Variants in TRIM11 observed in about 807,000 individuals in gnomAD.
TRIM11 encodes tripartite motif containing 11.
TRIM11 carries 15 observed loss-of-function variants against 33.4 expected under a neutral mutation model. The observed-to-expected ratio is 0.45, with a 90% CI of 0.30 to 0.69. The LOEUF (loss-of-function observed/expected upper bound fraction) is 0.69. TRIM11 is among the 30% of genes least tolerant of loss of function. TRIM11 has a pLI of 0.08. For missense variants in TRIM11, 499 were observed against 667.6 expected (o/e 0.75, Z 2.78); for synonymous variants, 281 against 302.6 (o/e 0.93, Z 0.74).
chr1:228,395,288 C>T lies in TRIM11; in HGVS notation c.860-36G>A, dbSNP rs750707980. ...AGGCCCAAGGTCACCCAGGCACAGC[C>T]ACAGGCAAGCTGGGGCCATCTGCCC... is the stretch of plus-strand genomic sequence containing the variant. On this transcript the variant is annotated intron_variant, in intron 5 of 5. Coordinates refer to ENST00000284551, the MANE Select transcript of TRIM11 (RefSeq NM_145214.3). The surrounding 1 kb of genome is among the most constrained non-coding windows in gnomAD (Gnocchi z 4.8). 1.7e-5 allele frequency: 24 copies of T among 1,418,552 alleles called. No homozygotes were observed. The South Asian group carries it at 3.8e-4, about 22-fold the overall frequency. The allele number at this position is 1,418,552 out of a possible 1,614,324, so 87.9% of individuals were successfully genotyped here. A position where few individuals can be genotyped will look rare whatever the true frequency, so the allele number is the denominator to read the frequency against.
In TRIM11 at chr1:228,399,106, T is replaced by C. The variant is rs148800144; in HGVS notation, c.735+1858A>G. Among the ~76,000 whole-genome samples the C allele has an allele frequency of 4.7e-3, 722 of 152,152 alleles. 5 individuals are homozygous for C. Among genetic ancestry groups the C allele is most frequent in the African/African-American group, 0.017 (688 of 41,526 alleles). On this transcript the variant is annotated intron_variant, in intron 3 of 5. Transcript: ENST00000284551. ...TGGATTCCTGGGAGTCACTCAAGCC[T>C]TTACCTCCACTGTGCAACCCCTGTC...
rs752031395 is a variant in TRIM11, at chr1:228,402,147, C to T, written c.423G>A (p.Lys141=). Residue 141 remains lysine, a synonymous_variant, in exon 2 of 6, where the codon AAG becomes AAA. Coordinates refer to ENST00000284551, the MANE Select transcript of TRIM11 (RefSeq NM_145214.3). ...AAEDLKAKLE[K]SLEHLRKQMQ... ...TCTGCTTCCGGAGATGCTCCAGTGA[C>T]TTCTCCAGCTTCGCCTGCGGGAGAG... 1.2e-6 allele frequency: 2 copies of T among 1,612,228 alleles called. No individual in the cohort carries two copies. Among genetic ancestry groups the T allele is most frequent in the South Asian group, 1.1e-5 (1 of 90,720 alleles).
intron 5 of TRIM11, chr1:228,396,641 T>C (rs1482773418): frequency 7.1e-6 from 5 of 707,140 alleles, no homozygotes; most frequent in Admixed American, 6.0e-5. Flanking sequence ...CTTATGGGAC[T>C]GAGCCCTTAA....
In TRIM11 at chr1:228,400,279, C is replaced by T. The variant is rs930897260; in HGVS notation, c.735+685G>A. 2.0e-5 allele frequency among the ~76,000 whole-genome samples: 3 copies of T among 152,254 alleles called. No homozygotes were observed. The highest frequency in any genetic ancestry group is 4.8e-5 in the African/African-American group (2 of 41,466). ...TGATAGCAGACACTCCCAGCCCACACGGGGCCTCTCAGCATGGGAGTGCCG... is the reference window on the plus strand; with the variant it reads ...TGATAGCAGACACTCCCAGCCCACATGGGGCCTCTCAGCATGGGAGTGCCG... On this transcript the variant is annotated intron_variant, in intron 3 of 5. Coordinates refer to ENST00000284551, the MANE Select transcript of TRIM11 (RefSeq NM_145214.3). This position sits in a 1 kb window ranked among gnomAD's most constrained non-coding sequence, Gnocchi z 4.5.
intron 1 of TRIM11, chr1:228,404,433 G>C (rs187302627): frequency 2.0e-5 from 3 of 152,288 alleles, no homozygotes; most frequent in Admixed American, 2.0e-4. Context: ...AGCCCCATAG[G>C]TGGGACTGAG....
Position 228,402,145 on chromosome 1 carries a change from G to T in TRIM11, c.425C>A (p.Ser142Ter). ...CATCTGCTTCCGGAGATGCTCCAGT[G>T]ACTTCTCCAGCTTCGCCTGCGGGAG... is the stretch of plus-strand genomic sequence containing the variant. Reference protein sequence around the residue: ...AEDLKAKLEKSLEHLRKQMQD... With the variant: ...AEDLKAKLEK The change falls in exon 2 of 6, where the codon TCA becomes TAA. Residue 142 changes from serine (S) to a stop codon, truncating the protein, a stop_gained. Coordinates refer to ENST00000284551, the MANE Select transcript of TRIM11 (RefSeq NM_145214.3). LOFTEE classifies it high-confidence loss of function. The T allele has an allele frequency of 1.2e-6, 2 of 1,612,536 alleles. No homozygotes were observed. The highest frequency in any genetic ancestry group is 2.2e-5 in the South Asian group (2 of 90,776).
At position 228,401,927 on chromosome 1, in the gene TRIM11, TG is replaced by T; in HGVS notation, c.504+138del. On this transcript the variant is annotated intron_variant, in intron 2 of 5. Coordinates refer to ENST00000284551, the MANE Select transcript of TRIM11 (RefSeq NM_145214.3). This position sits in a 1 kb window ranked among gnomAD's most constrained non-coding sequence, Gnocchi z 6.1. ...AGGACCAGCCCTTCAGTGGGCTCGG[TG>T]GGGCCAGGCTGAAGCAGTGACTGGT... 2 of 559,990 alleles carry T rather than the reference TG, an allele frequency of 3.6e-6. No homozygotes were observed. Among genetic ancestry groups the T allele is most frequent in the Non-Finnish European group, 5.9e-6 (2 of 340,920 alleles). The allele number at this position is 559,990 out of a possible 1,614,324, so 34.7% of individuals were successfully genotyped here.
chr1:228,396,836 C>T (rs2074990374), intron 5 of TRIM11, 111 bp downstream of exon 5: 1 of 985,116 alleles, frequency 1.0e-6, no homozygotes, highest in East Asian at 2.4e-5. Flanking sequence ...CACCATGACA[C>T]TGTGAGTTTG....
In TRIM11 at chr1:228,395,074, C is replaced by T; in HGVS notation, c.1038G>A (p.Val346=). 3.1e-6 allele frequency: 5 copies of T among 1,609,490 alleles called. No homozygotes were observed. The highest frequency in any genetic ancestry group is 4.2e-6 in the Non-Finnish European group (5 of 1,177,764). ...RFTSGRHYWE[V]EVGDRTSWAL... ...CCCAGCTGGTGCGGTCCCCAACCTC[C>T]ACCTCCCAGTAGTGGCGGCCTGAGG... The change falls in exon 6 of 6, where the codon GTG becomes GTA. Residue 346 remains valine (V), a synonymous_variant. Transcript: ENST00000284551. The surrounding 1 kb of genome is among the most constrained non-coding windows in gnomAD (Gnocchi z 4.8).
In TRIM11 at chr1:228,401,209, GAGA is replaced by G. The variant is rs1367986395; in HGVS notation, c.505-18_505-16del. On this transcript the variant is annotated splice_polypyrimidine_tract_variant and intron_variant, in intron 2 of 5. Coordinates refer to ENST00000284551, the MANE Select transcript of TRIM11 (RefSeq NM_145214.3). The surrounding 1 kb of genome is among the most constrained non-coding windows in gnomAD (Gnocchi z 6.1). Reference sequence around the variant, plus strand: ...TCCACCATCTTCTGTGGAGCCCAGGGAGAAGGACAGCTGAGGCCAGACCCCAGG... The same window carrying G: ...TCCACCATCTTCTGTGGAGCCCAGGGAGGACAGCTGAGGCCAGACCCCAGG... 6.2e-7 allele frequency: 1 copy of G among 1,609,582 alleles called. No individual in the cohort carries two copies. Among genetic ancestry groups the G allele is most frequent in the Non-Finnish European group, 8.5e-7 (1 of 1,177,564 alleles).
At chr1:228,399,639 A>G (rs971216367) in intron 3 of TRIM11, among the ~76,000 whole-genome samples, 4 of 151,922 alleles carry the variant, frequency 2.6e-5, no homozygotes, top group African/African-American at 9.7e-5. Context: ...TCCCCACCCC[A>G]CAATTTACTG....
chr1:228,403,437 A>G lies in TRIM11; in HGVS notation c.409-1276T>C, dbSNP rs544378461. The G allele has an allele frequency of 6.6e-6, 1 of 152,392 alleles. No individual in the cohort carries two copies. Among genetic ancestry groups the G allele is most frequent in the African/African-American group, 2.4e-5 (1 of 41,580 alleles). 9.4% of individuals were successfully genotyped at this position (152,392 alleles called of 1,614,324 possible). A position where few individuals can be genotyped will look rare whatever the true frequency, so the allele number is the denominator to read the frequency against. On this transcript the variant is annotated intron_variant, in intron 1 of 5. Coordinates refer to ENST00000284551, the MANE Select transcript of TRIM11 (RefSeq NM_145214.3). This position sits in a 1 kb window ranked among gnomAD's most constrained non-coding sequence, Gnocchi z 4.8. ...ATTCGGGAAGACCGCTGGAGCACCA[A>G]GGACATGTCCAACTGCTTTACTGTC... is the stretch of plus-strand genomic sequence containing the variant.
Position 228,395,517 on chromosome 1 carries a change from C to CTT in TRIM11, c.860-267_860-266dup, listed in dbSNP as rs546494395. On this transcript the variant is annotated intron_variant, in intron 5 of 5. Transcript: ENST00000284551. The surrounding 1 kb of genome is among the most constrained non-coding windows in gnomAD (Gnocchi z 4.8). ...AGATATCAAGAGGGAATCTTGGTTG[C>CTT]TTTTTTTTTTTTTTTTAAAGAGGCA... is the stretch of plus-strand genomic sequence containing the variant. The CTT allele has an allele frequency of 3.5e-4, 84 of 239,474 alleles. No homozygotes were observed. The highest frequency in any genetic ancestry group is 5.1e-4 in the East Asian group (7 of 13,704). The allele number at this position is 239,474 out of a possible 1,614,324, so 14.8% of individuals were successfully genotyped here.
rs889253362 is a variant in TRIM11 at position 228,406,113 on chromosome 1, G to A, written c.408+41C>T. On this transcript the variant is annotated intron_variant, in intron 1 of 5. Coordinates refer to ENST00000284551, the MANE Select transcript of TRIM11 (RefSeq NM_145214.3). This position sits in a 1 kb window ranked among gnomAD's most constrained non-coding sequence, Gnocchi z 8.2. ...CCCGCCCAGGCCTCCCCAGTCCCCG[G>A]CTCCCCGACGCCCCTGCACGCCACC... The A allele has an allele frequency of 1.5e-6, 2 of 1,334,598 alleles. No homozygotes were observed. Among genetic ancestry groups the A allele is most frequent in the African/African-American group, 1.5e-5 (1 of 64,612 alleles). The allele number at this position is 1,334,598 out of a possible 1,614,324, so 82.7% of individuals were successfully genotyped here. A position where few individuals can be genotyped will look rare whatever the true frequency, so the allele number is the denominator to read the frequency against.
Position 228,395,441 on chromosome 1 carries a change from C to A in TRIM11, c.860-189G>T. On this transcript the variant is annotated intron_variant, in intron 5 of 5. Transcript: ENST00000284551. This position sits in a 1 kb window ranked among gnomAD's most constrained non-coding sequence, Gnocchi z 4.8. ...TGGACATCCTCTCCCCACTTAGCTA[C>A]GTCCAGTTGCAACTTACAATGTCCT... The A allele has an allele frequency of 2.1e-6, 1 of 472,382 alleles. No homozygotes were observed. The highest frequency in any genetic ancestry group is 3.4e-6 in the Non-Finnish European group (1 of 290,504). 29.3% of individuals were successfully genotyped at this position (472,382 alleles called of 1,614,324 possible).
chr1:228,406,072 T>TC lies in TRIM11; in HGVS notation c.408+81dup. The stretch of plus-strand genomic sequence containing the variant: ...CAGAGACAGATTACTCCCGGAGCAG[T>TC]CCCCCAAACCTCCCACCCGCCCAGG... On this transcript the variant is annotated intron_variant, in intron 1 of 5. Coordinates refer to ENST00000284551, the MANE Select transcript of TRIM11 (RefSeq NM_145214.3). This position sits in a 1 kb window ranked among gnomAD's most constrained non-coding sequence, Gnocchi z 8.2. 11 of 1,291,190 alleles carry TC rather than the reference T, an allele frequency of 8.5e-6. No homozygotes were observed. The highest frequency in any genetic ancestry group is 1.6e-5 in the African/African-American group (1 of 63,244). The allele number at this position is 1,291,190 out of a possible 1,614,324, so 80.0% of individuals were successfully genotyped here. A position where few individuals can be genotyped will look rare whatever the true frequency, so the allele number is the denominator to read the frequency against.
In TRIM11 at chr1:228,401,097, T is replaced by A. The variant is rs200483267; in HGVS notation, c.602A>T (p.Glu201Val). 6.2e-7 allele frequency: 1 copy of A among 1,612,894 alleles called. No homozygotes were observed. The highest frequency in any genetic ancestry group is 1.1e-5 in the South Asian group (1 of 91,086). Reference protein sequence around the residue: ...EEEQQLLQRLEEEELEVLPRL... With the variant: ...EEEQQLLQRLVEEELEVLPRL... Reference sequence around the variant, plus strand: ...GGGCAGCACCTCCAGCTCCTCCTCCTCCAGCCTCTGCAGCAGCTGCTGCTC... The same window carrying A: ...GGGCAGCACCTCCAGCTCCTCCTCCACCAGCCTCTGCAGCAGCTGCTGCTC... Residue 201 changes from glutamate to valine, a missense_variant, in exon 3 of 6, where the codon GAG (glutamate) becomes GTG (valine). Glu to Val is a moderately radical substitution (Grantham distance 121, BLOSUM62 -2). Transcript: ENST00000284551. The surrounding 1 kb of genome is among the most constrained non-coding windows in gnomAD (Gnocchi z 6.1).
chr1:228,395,294 C>T lies in TRIM11; in HGVS notation c.860-42G>A. On this transcript the variant is annotated intron_variant, in intron 5 of 5. Transcript: ENST00000284551. This position sits in a 1 kb window ranked among gnomAD's most constrained non-coding sequence, Gnocchi z 4.8. ...AAGGTCACCCAGGCACAGCCACAGG[C>T]AAGCTGGGGCCATCTGCCCATGTCC... The T allele has an allele frequency of 7.1e-7, 1 of 1,415,020 alleles. No homozygotes were observed. The highest frequency in any genetic ancestry group is 1.7e-5 in the South Asian group (1 of 60,126). The allele number at this position is 1,415,020 out of a possible 1,614,324, so 87.7% of individuals were successfully genotyped here.
At chr1:228,398,138 G>A (rs2075002378) in intron 3 of TRIM11, among the ~76,000 whole-genome samples, 1 of 152,188 alleles carries the variant, frequency 6.6e-6, no homozygotes. Flanking sequence ...GCACTGCAAG[G>A]ATTTAACCCA....
Sources: gnomAD v4.1 joint callset for allele counts (sites outside exome capture counted in the v4.1 genomes callset) on GRCh38, gnomAD v4.1.1 for gene constraint, Gnocchi (gnomAD v3.1) non-coding constraint, MANE v1.5 for transcripts, NCBI Gene and HGNC (gene_info 2026-07-23, HGNC 2026-07-21) for gene names.